ASAP2: variants seen among roughly 807,000 people sequenced by gnomAD.
The protein encoded by ASAP2 is arf-GAP with SH3 domain, ANK repeat and PH domain-containing protein 2.
Under a neutral mutation model 131.4 loss-of-function variants are expected in ASAP2, and 45 were observed. The observed-to-expected ratio is 0.34, with a 90% CI of 0.27 to 0.44. ASAP2 has a LOEUF of 0.44. Among genes scored for constraint, ASAP2 ranks in the 20% least tolerant of loss-of-function variants. The pLI is 1.00. For synonymous variants in ASAP2, 510 were observed against 503.0 expected (o/e 1.01, Z -0.19); for missense variants, 1,011 against 1,297.0 (o/e 0.78, Z 3.39).
chr2:9,218,394 CTG>C (rs1033757818), intron 1 of ASAP2, among the ~76,000 whole-genome samples: 4 of 152,226 alleles, frequency 2.6e-5, no homozygotes, highest in African/African-American at 9.6e-5. Context: ...GCCAAGAACA[CTG>C]TCACTGTGTG....
At chr2:9,342,399 G>A (rs1671648702) in intron 9 of ASAP2, among the ~76,000 whole-genome samples, 1 of 152,156 alleles carries the variant, frequency 6.6e-6, no homozygotes, top group Non-Finnish European at 1.5e-5. Context: ...GGGTGCCAAG[G>A]CAATGGAGAA....
At chr2:9,312,453 C>G (rs1157770850) in intron 3 of ASAP2, among the ~76,000 whole-genome samples, 1 of 152,106 alleles carries the variant, frequency 6.6e-6, no homozygotes, top group Non-Finnish European at 1.5e-5. Context: ...TTCCTTTTGC[C>G]CAGTCTACCC....
chr2:9,308,812 C>T (rs1324474970), intron 3 of ASAP2, among the ~76,000 whole-genome samples: 3 of 152,106 alleles, frequency 2.0e-5, no homozygotes, highest in Non-Finnish European at 4.4e-5. Flanking sequence ...ATGGGGGTCA[C>T]GGCACATACT....
At chr2:9,349,838 C>T (rs1446128617) in intron 11 of ASAP2, among the ~76,000 whole-genome samples, 1 of 152,146 alleles carries the variant, frequency 6.6e-6, no homozygotes, top group African/African-American at 2.4e-5. Context: ...CAGGTCTGTC[C>T]AGGTGTAGAT....
chr2:9,305,958 G>A (rs1415962587), intron 3 of ASAP2, among the ~76,000 whole-genome samples: 1 of 151,326 alleles, frequency 6.6e-6, no homozygotes, highest in Non-Finnish European at 1.5e-5. Context: ...TACAGATATT[G>A]GTGGAGGGGC....
rs150928429 is a variant in ASAP2, at chr2:9,388,317, C to G, written c.2154C>G (p.Asp718Glu). Residue 718 changes from aspartate (D) to glutamate (E), a missense_variant, in exon 22 of 28, where the codon GAC becomes GAG. By Grantham distance (45) the Asp-to-Glu change is conservative. This residue lies in a region of ASAP2 where 652 missense variants were observed against 698.9 expected (regional missense o/e 0.93). Coordinates refer to ENST00000281419, the MANE Select transcript of ASAP2 (RefSeq NM_003887.3). ...KLQPSPNRREDRPISFYQLGS... is the reference protein window; with the variant it reads ...KLQPSPNRREERPISFYQLGS... The stretch of plus-strand genomic sequence containing the variant: ...AGCCCAGTCCCAACCGGCGGGAAGA[C>G]CGGCCCATCAGCTTCTACCAGCTGG... The G allele has an allele frequency of 2.9e-5, 46 of 1,614,022 alleles. 1 individual carries two copies. The highest frequency in any genetic ancestry group is 3.6e-5 in the Non-Finnish European group (42 of 1,180,044).
intron 16 of ASAP2, among the ~76,000 whole-genome samples, chr2:9,368,862 T>G (rs1316138879): frequency 8.7e-5 from 13 of 150,174 alleles, no homozygotes; most frequent in Non-Finnish European, 4.5e-5. Context: ...CTCTGCATAA[T>G]CCTGAGCCAC....
At chr2:9,253,971 G>A (rs1664910614) in intron 1 of ASAP2, among the ~76,000 whole-genome samples, 1 of 151,650 alleles carries the variant, frequency 6.6e-6, no homozygotes, top group African/African-American at 2.4e-5. Flanking sequence ...ACTTTGGGAG[G>A]GCGAGGTGGG....
chr2:9,326,197 A>C (rs1450762910), intron 6 of ASAP2, among the ~76,000 whole-genome samples: 1 of 152,248 alleles, frequency 6.6e-6, no homozygotes. Flanking sequence ...CCTGGGCAAC[A>C]TGGTGAGACC....
Position 9,380,779 on chromosome 2 carries a change from C to T in ASAP2, c.1987C>T (p.Arg663Cys), listed in dbSNP as rs759162329. ...SGETPLDIAK[R>C]LKHEHCEELL... is the part of the protein sequence containing the mutation. ...AGAGACTCCGCTGGACATTGCCAAG[C>T]GCCTCAAGCACGAGCACTGTGAGGA... The change falls in exon 20 of 28, where the codon CGC (arginine) becomes TGC (cysteine). Residue 663 changes from arginine to cysteine, a missense_variant. Physicochemically the swap from Arg to Cys is radical, Grantham distance 180. Transcript: ENST00000281419. 18 of 1,614,056 alleles carry T rather than the reference C, an allele frequency of 1.1e-5. No homozygotes were observed. Among genetic ancestry groups the T allele is most frequent in the African/African-American group, 2.7e-5 (2 of 74,936 alleles).
chr2:9,335,567 G>C (rs1333385640), intron 9 of ASAP2, among the ~76,000 whole-genome samples: 2 of 152,184 alleles, frequency 1.3e-5, no homozygotes, highest in Non-Finnish European at 2.9e-5. Context: ...TAGGCACGTA[G>C]CAGGGGACCA....
At chr2:9,269,046 G>T (rs1666153585) in intron 1 of ASAP2, among the ~76,000 whole-genome samples, 1 of 152,044 alleles carries the variant, frequency 6.6e-6, no homozygotes, top group African/African-American at 2.4e-5. Context: ...TTGAGGCCAG[G>T]GCTCAGCAAA....
rs1348375150 is a variant in ASAP2, at chr2:9,232,707, GACAGGCAACT to G, written c.126+25482_126+25491del. 2.6e-5 allele frequency among the ~76,000 whole-genome samples: 4 copies of G among 152,190 alleles called. No individual in the cohort carries two copies. In the East Asian group the frequency reaches 5.8e-4, roughly 22 times the overall value. The stretch of plus-strand genomic sequence containing the variant: ...ATGTGTTTGTTGAATGAATAAAACT[GACAGGCAACT>G]ACAGCTTAGATTGCAGGGAGTGAGA... On this transcript the variant is annotated intron_variant, in intron 1 of 27. Coordinates refer to ENST00000281419, the MANE Select transcript of ASAP2 (RefSeq NM_003887.3). This position sits in a 1 kb window ranked among gnomAD's most constrained non-coding sequence, Gnocchi z 4.1.
chr2:9,299,190 A>G (rs533123750), intron 3 of ASAP2, among the ~76,000 whole-genome samples: 4 of 152,310 alleles, frequency 2.6e-5, no homozygotes, highest in African/African-American at 9.6e-5. Flanking sequence ...TGAGAGGCTC[A>G]CAAGTACCCA....
intron 1 of ASAP2, among the ~76,000 whole-genome samples, chr2:9,278,654 G>A (rs1404565309): frequency 6.6e-6 from 1 of 152,170 alleles, no homozygotes; most frequent in East Asian, 1.9e-4. Flanking sequence ...TGGACATTGT[G>A]AGTGCCATAG....
At chr2:9,254,543 T>TAGTAGAGACGGGG (rs1665018610) in intron 1 of ASAP2, among the ~76,000 whole-genome samples, 1 of 142,060 alleles carries the variant, frequency 7.0e-6, no homozygotes, top group African/African-American at 2.6e-5. Flanking sequence ...TTTTTTTTTT[T>TAGTAGAGACGGGG]TTTTTTTTTT....
intron 1 of ASAP2, among the ~76,000 whole-genome samples, chr2:9,240,128 A>G (rs1473342493): frequency 6.6e-6 from 1 of 151,768 alleles, no homozygotes; most frequent in Admixed American, 6.6e-5. Flanking sequence ...CTGAAGCCCC[A>G]TTATCCCTGG....
chr2:9,321,167 T>A, intron 5 of ASAP2, among the ~76,000 whole-genome samples: 1 of 152,196 alleles, frequency 6.6e-6, no homozygotes, highest in East Asian at 1.9e-4. Flanking sequence ...AAAGGTGTTA[T>A]GAGGAAGTCA....
chr2:9,340,664 C>T (rs995104842), intron 9 of ASAP2, among the ~76,000 whole-genome samples: 10 of 152,116 alleles, frequency 6.6e-5, no homozygotes, highest in South Asian at 2.1e-4. Flanking sequence ...AATGACTCCT[C>T]GACAAGCTTG....
Sources: gnomAD v4.1 joint callset for allele counts (sites outside exome capture counted in the v4.1 genomes callset) on GRCh38, gnomAD v4.1.1 for gene constraint, gnomAD v4.1.1 regional missense constraint, Gnocchi (gnomAD v3.1) non-coding constraint, MANE v1.5 for transcripts, NCBI Gene and HGNC (gene_info 2026-07-23, HGNC 2026-07-21) for gene names.